The following GLRA1 variants were observed in gnomAD, a reference collection of about 807,000 sequenced individuals.
GLRA1 encodes the protein glycine receptor subunit alpha-1.
GLRA1 carries 37 observed loss-of-function variants against 48.3 expected under a neutral mutation model. The ratio of observed to expected loss-of-function variants is 0.77; its 90% CI spans 0.59 to 1.01. The LOEUF (loss-of-function observed/expected upper bound fraction) is 1.01. Ranked by LOEUF, GLRA1 falls within the 50% of genes least tolerant of loss-of-function variation. GLRA1 has a pLI of 0.00. For missense variants in GLRA1, 427 were observed against 571.0 expected (o/e 0.75, Z 2.57); for synonymous variants, 196 against 210.7 (o/e 0.93, Z 0.60).
At chr5:151,870,654 A>G (rs895361494) in intron 3 of GLRA1, among the ~76,000 whole-genome samples, 1 of 149,724 alleles carries the variant, frequency 6.7e-6, no homozygotes, top group East Asian at 1.9e-4. Context: ...AGTAGGAGGA[A>G]TTTGGCAATT....
chr5:151,841,878 G>C (rs530898289), intron 7 of GLRA1, among the ~76,000 whole-genome samples: 1 of 152,022 alleles, frequency 6.6e-6, no homozygotes, highest in South Asian at 2.1e-4. Flanking sequence ...CCAACATGGA[G>C]AAACCCCATC....
At chr5:151,855,299 A>C (rs1485343506) in intron 5 of GLRA1, 122 bp from the exon 6 acceptor site, 2 of 969,046 alleles carry the variant, frequency 2.1e-6, no homozygotes, top group Non-Finnish European at 3.2e-6. Flanking sequence ...TTGTGAGACC[A>C]GGTTCCTTTT....
intron 1 of GLRA1, among the ~76,000 whole-genome samples, chr5:151,913,434 T>C (rs1042605441): frequency 1.5e-4 from 23 of 152,154 alleles, no homozygotes. Context: ...TTATGGACAA[T>C]GAGAAATCCA....
intron 7 of GLRA1, among the ~76,000 whole-genome samples, chr5:151,839,154 T>G (rs192093981): frequency 6.6e-6 from 1 of 152,366 alleles, no homozygotes; most frequent in Admixed American, 6.5e-5. Context: ...TCAAGAATTC[T>G]GTATCCCTTA....
At chr5:151,910,834 C>T (rs914683980) in intron 1 of GLRA1, among the ~76,000 whole-genome samples, 2 of 152,182 alleles carry the variant, frequency 1.3e-5, no homozygotes, top group African/African-American at 4.8e-5. Context: ...ATAGCACTTA[C>T]TAGGTCCTGC....
At chr5:151,923,682 C>T (rs576154830) in intron 1 of GLRA1, among the ~76,000 whole-genome samples, 40 of 152,238 alleles carry the variant, frequency 2.6e-4, no homozygotes, top group African/African-American at 9.1e-4. Context: ...AAATTTTAAC[C>T]TGAGAGACAG....
intron 3 of GLRA1, among the ~76,000 whole-genome samples, chr5:151,864,049 A>G (rs554856565): frequency 4.7e-4 from 71 of 152,262 alleles, no homozygotes; most frequent in Non-Finnish European, 1.5e-4. Context: ...GTTGATGGTA[A>G]TGGATAACTC....
chr5:151,882,311 A>G (rs775323296), intron 3 of GLRA1, among the ~76,000 whole-genome samples: 10 of 152,188 alleles, frequency 6.6e-5, no homozygotes, highest in Non-Finnish European at 1.2e-4. Context: ...CAGCTTTCTC[A>G]TCTGTAAACT....
chr5:151,830,013 T>C (rs768166262), intron 7 of GLRA1, among the ~76,000 whole-genome samples: 2 of 152,238 alleles, frequency 1.3e-5, no homozygotes, highest in Non-Finnish European at 2.9e-5. Flanking sequence ...CTACTGTGAG[T>C]AATGCTGCTA....
At chr5:151,856,253 G>GT (rs756743595) in intron 5 of GLRA1, 48 bp downstream of exon 5, 1 of 1,317,058 alleles carries the variant, frequency 7.6e-7, no homozygotes, top group Non-Finnish European at 1.1e-6. Flanking sequence ...TATCCCATGG[G>GT]TAAAAAGGAG....
At chr5:151,827,029 G>GCTT (rs1763289472) in intron 8 of GLRA1, among the ~76,000 whole-genome samples, 1 of 126,804 alleles carries the variant, frequency 7.9e-6, no homozygotes, top group African/African-American at 2.9e-5. Context: ...CTTTCTTTCT[G>GCTT]TTTTTTTTTT....
intron 7 of GLRA1, among the ~76,000 whole-genome samples, chr5:151,843,170 C>A (rs1041103319): frequency 6.6e-6 from 1 of 152,020 alleles, no homozygotes; most frequent in African/African-American, 2.4e-5. Flanking sequence ...TGGCAATACT[C>A]CCCTGATTGG....
chr5:151,849,155 T>TC (rs1752788439), intron 7 of GLRA1: 1 of 131,592 alleles, frequency 7.6e-6, no homozygotes, highest in African/African-American at 6.7e-5. Flanking sequence ...TTTCTTTCTT[T>TC]TCTTTTCTTT....
Position 151,822,944 on chromosome 5 carries a change from C to A in GLRA1, c.1079G>T (p.Gly360Val), listed in dbSNP as rs1325145496. 1.9e-6 allele frequency: 3 copies of A among 1,608,252 alleles called. No individual in the cohort carries two copies. Among genetic ancestry groups the A allele is most frequent in the South Asian group, 2.2e-5 (2 of 90,782 alleles). ...RHHKEDEAGE[G>V]RFNFSAYGMG... is the part of the protein sequence containing the mutation. ...CCCATAGGCAGAGAAGTTAAAGCGG[C>A]CTTCTCCAGCTTCATCCTCCTGGAA... is the stretch of plus-strand genomic sequence containing the variant. The change falls in exon 9 of 9, where the codon GGC (glycine) becomes GTC (valine). Residue 360 changes from glycine to valine, a missense_variant. Around this residue, in one of 4 missense-constraint regions of GLRA1, gnomAD observed 31 missense variants for 21.9 expected, o/e 1.41. Transcript: ENST00000274576.
intron 3 of GLRA1, among the ~76,000 whole-genome samples, chr5:151,862,204 G>A (rs1462009935): frequency 6.6e-6 from 1 of 152,120 alleles, no homozygotes; most frequent in Non-Finnish European, 1.5e-5. Flanking sequence ...TTAATAAATG[G>A]TGCTGGGAAA....
chr5:151,880,996 CAT>C (rs1362267181), intron 3 of GLRA1, among the ~76,000 whole-genome samples: 1 of 152,202 alleles, frequency 6.6e-6, no homozygotes, highest in East Asian at 1.9e-4. Context: ...CAAATATAAA[CAT>C]AGAAATACAC....
intron 1 of GLRA1, among the ~76,000 whole-genome samples, chr5:151,919,809 T>A (rs1482748185): frequency 1.3e-5 from 2 of 152,230 alleles, no homozygotes; most frequent in Admixed American, 6.5e-5. Context: ...CAAAGCCTCT[T>A]TGTTTAATGC....
intron 8 of GLRA1, among the ~76,000 whole-genome samples, chr5:151,825,632 T>A (rs1364894445): frequency 2.0e-5 from 3 of 152,176 alleles, no homozygotes; most frequent in Non-Finnish European, 2.9e-5. Context: ...ACTCTGGAGC[T>A]CAGGGAAGTT....
intron 1 of GLRA1, among the ~76,000 whole-genome samples, chr5:151,893,873 T>TCC: frequency 6.6e-6 from 1 of 152,188 alleles, no homozygotes; most frequent in Non-Finnish European, 1.5e-5. Context: ...GGGTATATAT[T>TCC]CAGTAATGGG....
Sources: allele counts gnomAD v4.1 joint callset (sites outside exome capture counted in the v4.1 genomes callset), GRCh38; gene constraint gnomAD v4.1.1; regional missense constraint gnomAD v4.1.1; transcripts MANE v1.5; gene names NCBI Gene and HGNC (gene_info 2026-07-23, HGNC 2026-07-21).